Variants in CLYBL observed in about 807,000 individuals in gnomAD.
CLYBL encodes citramalyl-CoA lyase, mitochondrial.
Under a neutral mutation model 38.9 loss-of-function variants are expected in CLYBL, and 31 were observed. The observed-to-expected ratio is 0.80, with a 90% confidence interval of 0.60 to 1.08. The LOEUF is 1.08. Ranked by LOEUF, CLYBL falls within the 50% of genes least tolerant of loss-of-function variation. The probability of loss-of-function intolerance (pLI) is 0.00; values close to 1 mark genes in which losing one functional copy is unlikely to be tolerated. For missense variants in CLYBL, 434 were observed against 411.6 expected, an observed-to-expected ratio of 1.05 and a Z score of -0.47; for synonymous variants, 171 against 158.6, an observed-to-expected ratio of 1.08 and a Z score of -0.59.
chr13:99,802,112 G>A (rs540886119), intron 2 of CLYBL, among the ~76,000 whole-genome samples: 1 of 152,228 alleles, frequency 6.6e-6, no homozygotes, highest in South Asian at 2.1e-4. Flanking sequence ...ACTGTAGATT[G>A]GGTGGCTTAA....
intron 1 of CLYBL, among the ~76,000 whole-genome samples, chr13:99,633,980 G>A (rs540028000): frequency 6.6e-6 from 1 of 152,262 alleles, no homozygotes; most frequent in South Asian, 2.1e-4. Flanking sequence ...AGGGGATAAT[G>A]ACCAGAAATG....
intron 2 of CLYBL, among the ~76,000 whole-genome samples, chr13:99,857,306 CTG>C (rs2051483002): frequency 6.6e-6 from 1 of 151,916 alleles, no homozygotes; most frequent in Non-Finnish European, 1.5e-5. Context: ...CAGAGTGAGA[CTG>C]TGTCTCAAAA....
intron 5 of CLYBL, 90 bp from the exon 6 acceptor site, chr13:99,866,150 A>C: frequency 7.9e-7 from 1 of 1,264,390 alleles, no homozygotes; most frequent in Non-Finnish European, 1.1e-6. Context: ...GGAGGTTTAG[A>C]TATCTGTACA....
chr13:99,640,865 G>A (rs1341537522), intron 1 of CLYBL, among the ~76,000 whole-genome samples: 10 of 152,192 alleles, frequency 6.6e-5, no homozygotes, highest in Admixed American at 2.0e-4. Context: ...AAATGCACAC[G>A]TGGATATATA....
At chr13:99,834,849 T>TTGTC (rs2050898511) in intron 2 of CLYBL, among the ~76,000 whole-genome samples, 1 of 152,236 alleles carries the variant, frequency 6.6e-6, no homozygotes, top group African/African-American at 2.4e-5. Flanking sequence ...GCTGACACTT[T>TTGTC]TGTCTTATTG....
At chr13:99,880,283 T>C (rs775126501) in intron 7 of CLYBL, among the ~76,000 whole-genome samples, 9 of 151,958 alleles carry the variant, frequency 5.9e-5, no homozygotes, top group Non-Finnish European at 1.3e-4. Flanking sequence ...CAGGCTGGTC[T>C]CGAACTCCTG....
chr13:99,647,717 A>G (rs936142101), intron 1 of CLYBL, among the ~76,000 whole-genome samples: 2 of 152,218 alleles, frequency 1.3e-5, no homozygotes, highest in African/African-American at 4.8e-5. Flanking sequence ...ACACATTTCA[A>G]CTGGAGATAT....
chr13:99,769,805 T>G (rs2049344096), intron 1 of CLYBL, among the ~76,000 whole-genome samples: 1 of 152,110 alleles, frequency 6.6e-6, no homozygotes, highest in Non-Finnish European at 1.5e-5. Context: ...TTCCTTAAGG[T>G]AAGGTCGGCT....
chr13:99,778,801 C>G (rs897367907), intron 2 of CLYBL, among the ~76,000 whole-genome samples: 9 of 152,088 alleles, frequency 5.9e-5, no homozygotes, highest in African/African-American at 1.7e-4. Context: ...AACTCCATGA[C>G]ACTGGGTGAG....
intron 7 of CLYBL, among the ~76,000 whole-genome samples, chr13:99,872,281 T>TA (rs2051924678): frequency 6.6e-6 from 1 of 152,216 alleles, no homozygotes; most frequent in Admixed American, 6.5e-5. Flanking sequence ...AATTTGGACT[T>TA]ACACCAATTT....
At chr13:99,673,466 G>A (rs578074502) in intron 1 of CLYBL, among the ~76,000 whole-genome samples, 2 of 152,198 alleles carry the variant, frequency 1.3e-5, no homozygotes, top group African/African-American at 4.8e-5. Context: ...GGGGAGGCAG[G>A]ATGCTATTTT....
At chr13:99,790,376 C>G (rs1157139353) in intron 2 of CLYBL, among the ~76,000 whole-genome samples, 1 of 152,096 alleles carries the variant, frequency 6.6e-6, no homozygotes, top group African/African-American at 2.4e-5. Flanking sequence ...TTCAGGAGCT[C>G]TTTTAGGGCA....
intron 2 of CLYBL, among the ~76,000 whole-genome samples, chr13:99,824,180 G>A (rs936339186): frequency 2.1e-4 from 32 of 152,178 alleles, no homozygotes; most frequent in African/African-American, 7.5e-4. Flanking sequence ...AAGAGATTCC[G>A]GAATGGTTGG....
chr13:99,807,610 G>T (rs1157342936), intron 2 of CLYBL, among the ~76,000 whole-genome samples: 1 of 151,976 alleles, frequency 6.6e-6, no homozygotes, highest in Non-Finnish European at 1.5e-5. Flanking sequence ...TGAGGTACTA[G>T]AATCATCAGA....
intron 2 of CLYBL, among the ~76,000 whole-genome samples, chr13:99,818,466 CACACACACACACACACACGG>C (rs1403384316): frequency 6.6e-6 from 1 of 151,810 alleles, no homozygotes; most frequent in African/African-American, 2.4e-5. Context: ...CACACACACA[CACACACACACACACACACGG>C]ACACACACTG....
At position 99,765,877 on chromosome 13, in the gene CLYBL, G is replaced by A. The variant is rs566346588; in HGVS notation, c.63-6947G>A. ...TTTTTTTTTTTTTTTTTAAAGACAG[G>A]TTCTCATTCTGTCCCCTGGGCTAGA... On this transcript the variant is annotated intron_variant, in intron 1 of 8. Transcript: ENST00000339105. Among the ~76,000 whole-genome samples, 6 of 143,428 alleles carry A rather than the reference G, an allele frequency of 4.2e-5. No individual in the cohort carries two copies. The South Asian group carries it at 1.3e-3, about 32-fold the overall frequency. 94.1% of individuals were successfully genotyped at this position (143,428 alleles called of 152,430 possible).
intron 2 of CLYBL, among the ~76,000 whole-genome samples, chr13:99,837,615 T>C (rs1365574426): frequency 6.6e-6 from 1 of 152,214 alleles, no homozygotes; most frequent in Non-Finnish European, 1.5e-5. Context: ...ATCTGTGTGA[T>C]GGGAAAATGC....
chr13:99,727,443 A>C (rs954997459), intron 1 of CLYBL: 1 of 152,048 alleles, frequency 6.6e-6, no homozygotes, highest in Non-Finnish European at 1.5e-5. Context: ...GCAGGGCAGA[A>C]GGTCTTCTCA....
downstream of CLYBL, chr13:99,896,262 G>C (rs1263291512): frequency 6.6e-6 from 1 of 152,132 alleles, no homozygotes; most frequent in Non-Finnish European, 1.5e-5. Context: ...CGGAGCCCGG[G>C]ACAATCCCGC....
Sources: gnomAD v4.1 joint callset for allele counts (sites outside exome capture counted in the v4.1 genomes callset) on GRCh38, gnomAD v4.1.1 for gene constraint, MANE v1.5 for transcripts, NCBI Gene and HGNC (gene_info 2026-07-23, HGNC 2026-07-21) for gene names.